The following SIKE1 variants were observed in gnomAD, a reference collection of about 807,000 sequenced individuals.
SIKE1 encodes the protein suppressor of IKBKE 1, also known as suppressor of IKK epsilon.
A neutral mutation model predicts 25.8 loss-of-function variants in SIKE1; 13 were observed. The ratio of observed to expected loss-of-function variants is 0.50; its 90% CI spans 0.33 to 0.80. The LOEUF is 0.80. Ranked by LOEUF, SIKE1 falls within the 30% of genes least tolerant of loss-of-function variation. The pLI, the probability that SIKE1 is intolerant of heterozygous loss-of-function variation, is 0.02. For synonymous variants in SIKE1, 86 were observed against 95.5 expected (o/e 0.90, Z 0.58); for missense variants, 222 against 252.4 (o/e 0.88, Z 0.82).
chr1:114,776,069 TTA>T (rs1361719770), intron 4 of SIKE1, among the ~76,000 whole-genome samples: 1 of 152,200 alleles, frequency 6.6e-6, no homozygotes, highest in African/African-American at 2.4e-5. Context: ...ATGAAGGATT[TTA>T]TCTCACATAT....
intron 3 of SIKE1, among the ~76,000 whole-genome samples, chr1:114,777,931 C>A (rs1156758257): frequency 6.6e-6 from 1 of 152,226 alleles, no homozygotes; most frequent in African/African-American, 2.4e-5. Context: ...AAGCTTACTA[C>A]ATTCCAAGGT....
intron 3 of SIKE1, chr1:114,778,896 A>G (rs1286454038): frequency 8.1e-6 from 4 of 496,784 alleles, no homozygotes; most frequent in Non-Finnish European, 1.1e-5. Flanking sequence ...CAAACAAACA[A>G]CCCCACAAAA....
In SIKE1 at chr1:114,769,971, G is replaced by A. The variant is rs1662021029; in HGVS notation, c.*4300C>T. 6.6e-6 allele frequency: 1 copy of A among 152,172 alleles called. No individual in the cohort carries two copies. Among genetic ancestry groups the A allele is most frequent in the Admixed American group, 6.5e-5 (1 of 15,274 alleles). The allele number at this position is 152,172 out of a possible 1,614,324, so 9.4% of individuals were successfully genotyped here. On this transcript the variant is annotated 3_prime_UTR_variant, in exon 5 of 5. Transcript: ENST00000060969. ...TGATAAAATTTATATCTGCATGGCTGTTCCTAAAACTATGCTTATTTTATC... is the reference window on the plus strand; with the variant it reads ...TGATAAAATTTATATCTGCATGGCTATTCCTAAAACTATGCTTATTTTATC...
At position 114,780,431 on chromosome 1, in the gene SIKE1, T is replaced by G; in HGVS notation, c.159+18A>C. 6.2e-7 allele frequency: 1 copy of G among 1,609,692 alleles called. No individual in the cohort carries two copies. Among genetic ancestry groups the G allele is most frequent in the South Asian group, 1.1e-5 (1 of 90,840 alleles). On this transcript the variant is annotated intron_variant, in intron 1 of 4. Transcript: ENST00000060969. ...TGCCCAGAATCCGAGAGCACTGGACTCCTACCCTCTGCCTGACCTGGTCCG... is the reference window on the plus strand; with the variant it reads ...TGCCCAGAATCCGAGAGCACTGGACGCCTACCCTCTGCCTGACCTGGTCCG...
chr1:114,780,271 C>T, intron 1 of SIKE1, 56 bp from the exon 2 acceptor site: 1 of 1,559,302 alleles, frequency 6.4e-7, no homozygotes, highest in Non-Finnish European at 8.8e-7. Context: ...GCAGATGCAA[C>T]TGAAGAGGCA....
chr1:114,776,354 G>T lies in SIKE1; in HGVS notation c.514C>A (p.Gln172Lys). 6.2e-7 allele frequency: 1 copy of T among 1,600,634 alleles called. No homozygotes were observed. Among genetic ancestry groups the T allele is most frequent in the Non-Finnish European group, 8.6e-7 (1 of 1,168,062 alleles). Reference protein sequence around the residue: ...QFCKIQEKLAQLELENKELRE... With the variant: ...QFCKIQEKLAKLELENKELRE... ...ATTAGCTACAATCTTACCTCTAATT[G>T]GGCTAATTTTTCCTGAATCTTACAA... Residue 172 changes from glutamine to lysine, a missense_variant, in exon 4 of 5, where the codon CAA becomes AAA. By Grantham distance (53) the Gln-to-Lys change is moderately conservative. Coordinates refer to ENST00000060969, the MANE Select transcript of SIKE1 (RefSeq NM_025073.3).
intron 1 of SIKE1, 83 bp downstream of exon 1, chr1:114,780,366 C>T (rs2101136325): frequency 6.2e-7 from 1 of 1,610,276 alleles, no homozygotes; most frequent in Non-Finnish European, 8.5e-7. Context: ...GAATAAATTC[C>T]AGGCCGAGTT....
In SIKE1 at chr1:114,772,608, G is replaced by T. The variant is rs1013729331; in HGVS notation, c.*1663C>A. ...ATTTGATTACTTCATCATTTTCACT[G>T]AAATCTGGCCATGGTAGGTTTGGCC... On this transcript the variant is annotated 3_prime_UTR_variant, in exon 5 of 5. Transcript: ENST00000060969. The T allele has an allele frequency of 6.6e-6, 1 of 152,160 alleles. No individual in the cohort carries two copies. Among genetic ancestry groups the T allele is most frequent in the Admixed American group, 6.5e-5 (1 of 15,278 alleles). The allele number at this position is 152,160 out of a possible 1,614,324, so 9.4% of individuals were successfully genotyped here. A position where few individuals can be genotyped will look rare whatever the true frequency, so the allele number is the denominator to read the frequency against.
chr1:114,776,060 TGAAG>T (rs1265994938), intron 4 of SIKE1, among the ~76,000 whole-genome samples: 1 of 152,192 alleles, frequency 6.6e-6, no homozygotes, highest in African/African-American at 2.4e-5. Flanking sequence ...TTATGGCAGA[TGAAG>T]GATTTTATCT....
At position 114,774,333 on chromosome 1, in the gene SIKE1, T is replaced by C. The variant is rs747722904; in HGVS notation, c.562A>G (p.Ser188Gly). The C allele has an allele frequency of 4.3e-6, 7 of 1,612,124 alleles. No homozygotes were observed. Among genetic ancestry groups the C allele is most frequent in the Non-Finnish European group, 5.9e-6 (7 of 1,178,622 alleles). Residue 188 changes from serine to glycine, a missense_variant, in exon 5 of 5, where the codon AGT (serine) becomes GGT (glycine). Ser to Gly is a moderately conservative substitution (Grantham distance 56). Coordinates refer to ENST00000060969, the MANE Select transcript of SIKE1 (RefSeq NM_025073.3). ...TCCTTTCTGGCTTGAAGAGACTCAC[T>C]GCTGATGGACAATAATTCTCGAAGT... The part of the protein sequence containing the change: ...KELRELLSIS[S>G]ESLQARKENS...
intron 2 of SIKE1, 140 bp from the exon 3 acceptor site, chr1:114,779,424 G>A: frequency 3.4e-6 from 3 of 872,758 alleles, no homozygotes; most frequent in Non-Finnish European, 5.2e-6. Context: ...CCGCAAAACT[G>A]AACAGTTAAA....
At position 114,780,116 on chromosome 1, in the gene SIKE1, T is replaced by C. The variant is rs769971074; in HGVS notation, c.259A>G (p.Asn87Asp). Residue 87 changes from asparagine (N) to aspartate (D), a missense_variant, in exon 2 of 5, where the codon AAC (asparagine) becomes GAC (aspartate). By Grantham distance (23) the Asn-to-Asp change is conservative (BLOSUM62 1). Coordinates refer to ENST00000060969, the MANE Select transcript of SIKE1 (RefSeq NM_025073.3). ...NTQIRDLQQENRELWISLEEH... is the reference protein window; with the variant it reads ...NTQIRDLQQEDRELWISLEEH... ...ATGAAAAGGCCTGACTAACCTCTGT[T>C]TTCCTGTTGCAAGTCTCTAATCTGT... 1 of 1,611,326 alleles carries C rather than the reference T, an allele frequency of 6.2e-7. No homozygotes were observed. The highest frequency in any genetic ancestry group is 2.2e-5 in the East Asian group (1 of 44,874).
chr1:114,780,471 G>A lies in SIKE1; in HGVS notation c.137C>T (p.Ala46Val). ...GACCTGGTCCGGAAGCGCTGTCCCC[G>A]CCTCCCGCATAGCTGCTACCCGCCG... ...LHRRVAAMRE[A>V]GTALPDQYQE... The change falls in exon 1 of 5, where the codon GCG (alanine) becomes GTG (valine). Residue 46 changes from alanine to valine, a missense_variant. Ala to Val is a moderately conservative substitution (Grantham distance 64, BLOSUM62 0). Transcript: ENST00000060969. 1.2e-6 allele frequency: 2 copies of A among 1,613,046 alleles called. No homozygotes were observed. The highest frequency in any genetic ancestry group is 1.7e-6 in the Non-Finnish European group (2 of 1,180,018).
rs898226301 is a variant in SIKE1 at position 114,772,231 on chromosome 1, T to G, written c.*2040A>C. 1 of 152,198 alleles carries G rather than the reference T, an allele frequency of 6.6e-6. No homozygotes were observed. The highest frequency in any genetic ancestry group is 2.4e-5 in the African/African-American group (1 of 41,460). 9.4% of individuals were successfully genotyped at this position (152,198 alleles called of 1,614,324 possible). Reference sequence around the variant, plus strand: ...TGACTTACTACTGAGTAAAATTAGCTTATCTTCTCAAAATGCAGTTTTTGT... The same window carrying G: ...TGACTTACTACTGAGTAAAATTAGCGTATCTTCTCAAAATGCAGTTTTTGT... On this transcript the variant is annotated 3_prime_UTR_variant, in exon 5 of 5. Coordinates refer to ENST00000060969, the MANE Select transcript of SIKE1 (RefSeq NM_025073.3).
chr1:114,772,579 CTTGAT>C lies in SIKE1; in HGVS notation c.*1687_*1691del, dbSNP rs1369955754. ...CACATAAAGGGACACCATATTATAC[CTTGAT>C]TTGATTACTTCATCATTTTCACTGA... On this transcript the variant is annotated 3_prime_UTR_variant, in exon 5 of 5. Transcript: ENST00000060969. 3.3e-5 allele frequency: 5 copies of C among 152,124 alleles called. No homozygotes were observed. Among genetic ancestry groups the C allele is most frequent in the Admixed American group, 6.6e-5 (1 of 15,256 alleles). The allele number at this position is 152,124 out of a possible 1,614,324, so 9.4% of individuals were successfully genotyped here.
At chr1:114,774,626 G>C (rs573633423) in intron 4 of SIKE1, among the ~76,000 whole-genome samples, 27 of 152,200 alleles carry the variant, frequency 1.8e-4, no homozygotes, top group African/African-American at 1.7e-4. Context: ...CAAGTGTTAG[G>C]ATTACAAAGG....
At chr1:114,775,423 T>C (rs1351073729) in intron 4 of SIKE1, among the ~76,000 whole-genome samples, 1 of 152,146 alleles carries the variant, frequency 6.6e-6, no homozygotes, top group African/African-American at 2.4e-5. Context: ...TATCTGTTTT[T>C]TTCTCTCTGG....
rs1197146157 is a variant in SIKE1, at chr1:114,769,869, T to C, written c.*4402A>G. On this transcript the variant is annotated 3_prime_UTR_variant, in exon 5 of 5. Coordinates refer to ENST00000060969, the MANE Select transcript of SIKE1 (RefSeq NM_025073.3). ...ATGAGTTATTATGCTTGATAATTTA[T>C]TTGCATTCCCCATTTACCCTTTTAT... 5 of 152,196 alleles carry C rather than the reference T, an allele frequency of 3.3e-5. No homozygotes were observed. Among genetic ancestry groups the C allele is most frequent in the African/African-American group, 1.2e-4 (5 of 41,450 alleles). The allele number at this position is 152,196 out of a possible 1,614,324, so 9.4% of individuals were successfully genotyped here.
In SIKE1 at chr1:114,772,485, T is replaced by A. The variant is rs1021209828; in HGVS notation, c.*1786A>T. 7 of 152,304 alleles carry A rather than the reference T, an allele frequency of 4.6e-5. No individual in the cohort carries two copies. Among genetic ancestry groups the A allele is most frequent in the Admixed American group, 2.0e-4 (3 of 15,290 alleles). The allele number at this position is 152,304 out of a possible 1,614,324, so 9.4% of individuals were successfully genotyped here. A position where few individuals can be genotyped will look rare whatever the true frequency, so the allele number is the denominator to read the frequency against. On this transcript the variant is annotated 3_prime_UTR_variant, in exon 5 of 5. Coordinates refer to ENST00000060969, the MANE Select transcript of SIKE1 (RefSeq NM_025073.3). ...CTTTTAATTTTGCAGGGGGAAAAGT[T>A]AGTATGTCGATTTATCCTAACACTT...
Sources: gnomAD v4.1 joint callset for allele counts (sites outside exome capture counted in the v4.1 genomes callset) on GRCh38, gnomAD v4.1.1 for gene constraint, MANE v1.5 for transcripts, NCBI Gene and HGNC (gene_info 2026-07-23, HGNC 2026-07-21) for gene names.